The following CADM2 variants were observed in gnomAD, a reference collection of about 807,000 sequenced individuals.
The protein encoded by CADM2 is cell adhesion molecule 2, also known as immunoglobulin superfamily member 4D.
CADM2 carries 12 observed loss-of-function variants against 49.8 expected under a neutral mutation model. The observed-to-expected ratio is 0.24, with a 90% CI of 0.15 to 0.39. The LOEUF (loss-of-function observed/expected upper bound fraction) is 0.39. Ranked by LOEUF, CADM2 falls within the 10% of genes least tolerant of loss-of-function variation. CADM2 has a pLI of 1.00. For missense variants in CADM2, 378 were observed against 492.3 expected (o/e 0.77, Z 2.20); for synonymous variants, 214 against 175.4 (o/e 1.22, Z -1.74).
intron 1 of CADM2, among the ~76,000 whole-genome samples, chr3:85,641,600 G>C (rs2064715027): frequency 6.6e-6 from 1 of 152,030 alleles, no homozygotes; most frequent in Non-Finnish European, 1.5e-5. Flanking sequence ...AAACCTCTGG[G>C]GGACAGAGAT....
chr3:85,507,130 A>G (rs2040389265), intron 1 of CADM2, among the ~76,000 whole-genome samples: 1 of 151,996 alleles, frequency 6.6e-6, no homozygotes, highest in African/African-American at 2.4e-5. Context: ...GTGAAAAAGA[A>G]TCCATATGTA....
At chr3:85,977,338 G>C (rs1726918812) in intron 8 of CADM2, among the ~76,000 whole-genome samples, 1 of 151,300 alleles carries the variant, frequency 6.6e-6, no homozygotes, top group Non-Finnish European at 1.5e-5. Context: ...GTTATAATCT[G>C]TGATAAATTT....
chr3:85,796,049 T>G (rs2071600113), intron 2 of CADM2, among the ~76,000 whole-genome samples: 1 of 152,190 alleles, frequency 6.6e-6, no homozygotes, highest in Admixed American at 6.5e-5. Context: ...GTGGATGAGA[T>G]TTTCGCAAGC....
chr3:85,784,428 T>C (rs1467749697), intron 2 of CADM2, among the ~76,000 whole-genome samples: 1 of 152,170 alleles, frequency 6.6e-6, no homozygotes, highest in Non-Finnish European at 1.5e-5. Flanking sequence ...GGACTGATTT[T>C]AGAAATACAA....
At chr3:85,279,945 AT>A (rs939729950) in intron 1 of CADM2, among the ~76,000 whole-genome samples, 3 of 151,646 alleles carry the variant, frequency 2.0e-5, no homozygotes, top group Admixed American at 2.0e-4. Flanking sequence ...TGCTTATTAG[AT>A]TTATTATTTG....
At chr3:85,601,844 C>T (rs184190405) in intron 1 of CADM2, among the ~76,000 whole-genome samples, 2 of 151,500 alleles carry the variant, frequency 1.3e-5, no homozygotes, top group Non-Finnish European at 3.0e-5. Flanking sequence ...GTCTGTTTTT[C>T]GTTTCTGTTT....
chr3:85,704,639 T>A (rs1489305731), intron 1 of CADM2, among the ~76,000 whole-genome samples: 1 of 152,036 alleles, frequency 6.6e-6, no homozygotes, highest in African/African-American at 2.4e-5. Context: ...CCTCCTAACA[T>A]CATCACAGTG....
At chr3:85,049,631 TGAGCTAC>T in intron 1 of CADM2, among the ~76,000 whole-genome samples, 1 of 85,544 alleles carries the variant, frequency 1.2e-5, no homozygotes, top group Non-Finnish European at 3.8e-5. Flanking sequence ...ATTACAAGTA[TGAGCTAC>T]TGTGCCTGGC....
Position 85,623,304 on chromosome 3 carries a change from G to A in CADM2, c.62-103218G>A, listed in dbSNP as rs142497035. Among the ~76,000 whole-genome samples, 594 of 152,124 alleles carry A rather than the reference G, an allele frequency of 3.9e-3. 3 individuals are homozygous for A. Among genetic ancestry groups the A allele is most frequent in the African/African-American group, 0.013 (532 of 41,520 alleles). ...TGATAATCACCTTGTTTATATTGAA[G>A]GTATGTGCCTTTTCAAATGTATAGG... On this transcript the variant is annotated intron_variant, in intron 1 of 9. Coordinates refer to ENST00000383699, the MANE Select transcript of CADM2 (RefSeq NM_001167675.2).
intron 1 of CADM2, among the ~76,000 whole-genome samples, chr3:85,677,145 G>C (rs1040176138): frequency 3.9e-5 from 6 of 152,116 alleles, no homozygotes; most frequent in African/African-American, 1.4e-4. Flanking sequence ...ATACACTTAG[G>C]TTAAGCTCCC....
At chr3:85,000,139 T>A (rs1490339122) in intron 1 of CADM2, among the ~76,000 whole-genome samples, 1 of 151,610 alleles carries the variant, frequency 6.6e-6, no homozygotes, top group Non-Finnish European at 1.5e-5. Context: ...TCTCTCTCTC[T>A]CTCTCTCTCC....
At chr3:85,798,109 G>A (rs990412667) in intron 2 of CADM2, among the ~76,000 whole-genome samples, 5 of 151,346 alleles carry the variant, frequency 3.3e-5, no homozygotes, top group South Asian at 2.1e-4. Context: ...TGATGGGGTC[G>A]TTTGTTTGTT....
chr3:85,706,094 A>C (rs946302900), intron 1 of CADM2, among the ~76,000 whole-genome samples: 1 of 152,230 alleles, frequency 6.6e-6, no homozygotes, highest in African/African-American at 2.4e-5. Flanking sequence ...ATCTAATAAT[A>C]TGATTAGAAT....
At chr3:85,694,441 C>T (rs959316470) in intron 1 of CADM2, among the ~76,000 whole-genome samples, 1 of 152,248 alleles carries the variant, frequency 6.6e-6, no homozygotes, top group African/African-American at 2.4e-5. Context: ...GCAGAACTTA[C>T]CCTTCCAGTA....
chr3:85,961,672 T>C lies in CADM2; in HGVS notation c.970+25T>C, dbSNP rs1335148556. Reference sequence around the variant, plus strand: ...GGTGAGTAAATTTTGGAAAACATTATATGTGAAAGGATGCATAACTTGAAA... The same window carrying C: ...GGTGAGTAAATTTTGGAAAACATTACATGTGAAAGGATGCATAACTTGAAA... On this transcript the variant is annotated intron_variant, in intron 8 of 9. Coordinates refer to ENST00000383699, the MANE Select transcript of CADM2 (RefSeq NM_001167675.2). The C allele has an allele frequency of 4.0e-6, 6 of 1,491,256 alleles. No homozygotes were observed. In the Admixed American group the frequency reaches 1.1e-4, roughly 27 times the overall value. The allele number at this position is 1,491,256 out of a possible 1,614,324, so 92.4% of individuals were successfully genotyped here. A position where few individuals can be genotyped will look rare whatever the true frequency, so the allele number is the denominator to read the frequency against.
intron 1 of CADM2, among the ~76,000 whole-genome samples, chr3:85,627,151 G>T (rs941464203): frequency 6.6e-6 from 1 of 151,808 alleles, no homozygotes; most frequent in African/African-American, 2.4e-5. Flanking sequence ...TGGAAACCTT[G>T]TGTCTGATAC....
intron 1 of CADM2, among the ~76,000 whole-genome samples, chr3:85,010,880 T>TTTC (rs2033957384): frequency 7.1e-6 from 1 of 141,006 alleles, no homozygotes; most frequent in African/African-American, 2.7e-5. Context: ...TTTTTTTTTT[T>TTTC]TGAGATGGAG....
intron 1 of CADM2, among the ~76,000 whole-genome samples, chr3:85,428,163 A>G (rs1002849077): frequency 6.6e-6 from 1 of 151,440 alleles, no homozygotes; most frequent in Non-Finnish European, 1.5e-5. Context: ...TATAGAATTC[A>G]TATTGACCAA....
chr3:85,814,578 G>A (rs1329663918), intron 3 of CADM2, among the ~76,000 whole-genome samples: 1 of 151,998 alleles, frequency 6.6e-6, no homozygotes, highest in Non-Finnish European at 1.5e-5. Flanking sequence ...AATGAATCCA[G>A]GATCTGGTTT....
Sources: allele counts gnomAD v4.1 joint callset (sites outside exome capture counted in the v4.1 genomes callset), GRCh38; gene constraint gnomAD v4.1.1; transcripts MANE v1.5; gene names NCBI Gene and HGNC (gene_info 2026-07-23, HGNC 2026-07-21).